Variants in LRRC37A2 observed in about 807,000 individuals in gnomAD.
The protein encoded by LRRC37A2 is leucine rich repeat containing 37 member A2.
LRRC37A2 carries 9 observed loss-of-function variants against 68.8 expected under a neutral mutation model. That is an observed-to-expected ratio of 0.13 (90% CI 0.08 to 0.23). The LOEUF (loss-of-function observed/expected upper bound fraction) is 0.23, where lower values mean the gene tolerates loss of function less well. Ranked by LOEUF, LRRC37A2 falls within the 10% of genes least tolerant of loss-of-function variation. The pLI is 1.00. For missense variants in LRRC37A2, 168 were observed against 950.4 expected (o/e 0.18, Z 10.82); for synonymous variants, 63 against 367.6 (o/e 0.17, Z 9.48).
the LRRC37A2 span, among the ~76,000 whole-genome samples, chr17:46,631,080 A>ACACACACACACACACACACACACACACG: frequency 9.2e-4 from 133 of 143,832 alleles, no homozygotes; most frequent in African/African-American, 3.5e-3. Context: ...ACACACACAC[A>ACACACACACACACACACACACACACACG]CACACACACA....
chr17:47,018,538 T>C, the LRRC37A2 span: 1 of 1,520,420 alleles, frequency 6.6e-7, no homozygotes, highest in Admixed American at 1.7e-5. Context: ...GGTAATGATG[T>C]AGAACCTCCC....
the LRRC37A2 span, chr17:46,756,044 G>A: frequency 3.8e-6 from 2 of 523,284 alleles, no homozygotes; most frequent in African/African-American, 1.9e-5. Context: ...AGAATGCTGC[G>A]CTTACCTTCC....
At chr17:46,703,649 C>A in the LRRC37A2 span, among the ~76,000 whole-genome samples, 1 of 142,808 alleles carries the variant, frequency 7.0e-6, no homozygotes, top group African/African-American at 2.7e-5. Flanking sequence ...CCACTGCACT[C>A]CAGCCTGGGG....
chr17:46,953,443 A>G, the LRRC37A2 span, among the ~76,000 whole-genome samples: 3 of 152,184 alleles, frequency 2.0e-5, no homozygotes, highest in Non-Finnish European at 4.4e-5. Context: ...AATCCAGTCT[A>G]TCATTGTTGG....
the LRRC37A2 span, among the ~76,000 whole-genome samples, chr17:46,878,081 C>T: frequency 6.6e-6 from 1 of 152,246 alleles, no homozygotes; most frequent in Admixed American, 6.5e-5. Flanking sequence ...GTTCCTGTTG[C>T]ACATGCCTCT....
At chr17:46,958,049 T>A in the LRRC37A2 span, among the ~76,000 whole-genome samples, 1 of 152,178 alleles carries the variant, frequency 6.6e-6, no homozygotes, top group South Asian at 2.1e-4. Flanking sequence ...TGCTGCCAAA[T>A]GTCACTGGCC....
the LRRC37A2 span, among the ~76,000 whole-genome samples, chr17:46,716,470 G>T: frequency 2.6e-5 from 4 of 152,080 alleles, no homozygotes; most frequent in Non-Finnish European, 5.9e-5. Context: ...TGTTAGCCAG[G>T]ATGGTCTTGA....
the LRRC37A2 span, among the ~76,000 whole-genome samples, chr17:46,805,292 G>C: frequency 6.6e-6 from 1 of 152,054 alleles, no homozygotes; most frequent in Non-Finnish European, 1.5e-5. Context: ...AAGAAAAAAG[G>C]CTGGGCACAG....
chr17:46,942,944 T>C, the LRRC37A2 span, among the ~76,000 whole-genome samples: 1 of 152,112 alleles, frequency 6.6e-6, no homozygotes, highest in Non-Finnish European at 1.5e-5. Flanking sequence ...CATCCCCATG[T>C]CCCTCTAGTA....
the LRRC37A2 span, among the ~76,000 whole-genome samples, chr17:46,780,238 C>T: frequency 6.6e-6 from 1 of 152,214 alleles, no homozygotes; most frequent in Non-Finnish European, 1.5e-5. Flanking sequence ...GACGGCCAAT[C>T]CCCTGCTGAT....
the LRRC37A2 span, among the ~76,000 whole-genome samples, chr17:46,887,602 T>C: frequency 0.067 from 10,139 of 151,950 alleles, 533 homozygotes; most frequent in African/African-American, 0.14. Flanking sequence ...CCATCTCTAC[T>C]AAATACAAGA....
chr17:46,854,059 A>G, the LRRC37A2 span, among the ~76,000 whole-genome samples: 2 of 152,214 alleles, frequency 1.3e-5, no homozygotes, highest in Non-Finnish European at 2.9e-5. Flanking sequence ...CCAGCTGGAA[A>G]GAGCTGACAA....
At chr17:46,952,834 G>A in the LRRC37A2 span, 1 of 151,896 alleles carries the variant, frequency 6.6e-6, no homozygotes, top group African/African-American at 2.4e-5. Flanking sequence ...TACTTAAGCT[G>A]GTTTGCACTG....
At chr17:46,708,741 A>G in the LRRC37A2 span, among the ~76,000 whole-genome samples, 2 of 145,256 alleles carry the variant, frequency 1.4e-5, no homozygotes, top group South Asian at 2.2e-4. Flanking sequence ...CGATCCACCT[A>G]CCTCAGCCTC....
At chr17:46,758,193 C>T in the LRRC37A2 span, among the ~76,000 whole-genome samples, 2 of 152,190 alleles carry the variant, frequency 1.3e-5, no homozygotes, top group South Asian at 2.1e-4. Context: ...TTTTTCTGAG[C>T]TATCAGATCT....
chr17:46,800,983 C>T, the LRRC37A2 span, among the ~76,000 whole-genome samples: 1 of 152,302 alleles, frequency 6.6e-6, no homozygotes, highest in South Asian at 2.1e-4. Flanking sequence ...ACGAGAACAA[C>T]GCAGACTGTA....
At chr17:46,388,475 T>C in the LRRC37A2 span, among the ~76,000 whole-genome samples, 1 of 44,008 alleles carries the variant, frequency 2.3e-5, no homozygotes, top group South Asian at 1.0e-3. Flanking sequence ...GGTAGGAGAA[T>C]TGCTTGAACC....
chr17:46,962,355 G>T, the LRRC37A2 span, among the ~76,000 whole-genome samples: 1 of 151,732 alleles, frequency 6.6e-6, no homozygotes, highest in African/African-American at 2.4e-5. Context: ...ATTGATCAGT[G>T]TAGTAGTTGA....
chr17:46,984,577 C>G, the LRRC37A2 span, among the ~76,000 whole-genome samples: 1 of 152,228 alleles, frequency 6.6e-6, no homozygotes, highest in Non-Finnish European at 1.5e-5. Context: ...GAGCTGCCAC[C>G]CGGAGCTTTA....
Sources: allele counts gnomAD v4.1 joint callset (sites outside exome capture counted in the v4.1 genomes callset), GRCh38; gene constraint gnomAD v4.1.1; transcripts MANE v1.5; gene names NCBI Gene and HGNC (gene_info 2026-07-23, HGNC 2026-07-21).